TMTC2: variants seen among roughly 807,000 people sequenced by gnomAD.
TMTC2 encodes protein O-mannosyl-transferase TMTC2.
In TMTC2, 43 loss-of-function variants were observed where a neutral mutation model predicts 82.4. The ratio of observed to expected loss-of-function variants is 0.52; its 90% CI spans 0.41 to 0.67. The LOEUF (loss-of-function observed/expected upper bound fraction) is 0.67, where lower values mean the gene tolerates loss of function less well. TMTC2 is among the 30% of genes least tolerant of loss of function. The pLI is 0.00. For missense variants in TMTC2, 919 were observed against 1,012.4 expected, an observed-to-expected ratio of 0.91 and a Z score of 1.25; for synonymous variants, 408 against 381.9, an observed-to-expected ratio of 1.07 and a Z score of -0.80.
In TMTC2 at chr12:83,099,937, A is replaced by G. The variant is rs185667442; in HGVS notation, c.2332-32273A>G. ...AGTTGTATAATTTTTTTTTTTTGAG[A>G]TGGAGTCTCTCTCCGTCACCCAGGC... is the stretch of plus-strand genomic sequence containing the variant. On this transcript the variant is annotated intron_variant, in intron 11 of 11. Coordinates refer to ENST00000321196, the MANE Select transcript of TMTC2 (RefSeq NM_152588.3). Among the ~76,000 whole-genome samples the G allele has an allele frequency of 7.6e-3, 1,124 of 148,608 alleles. 9 individuals are homozygous for G. Among genetic ancestry groups the G allele is most frequent in the Non-Finnish European group, 0.012 (813 of 67,338 alleles).
chr12:82,718,962 T>TA (rs1222166422), intron 1 of TMTC2, among the ~76,000 whole-genome samples: 6 of 150,050 alleles, frequency 4.0e-5, no homozygotes, highest in African/African-American at 1.5e-4. Context: ...CTATTGATTA[T>TA]AAAAATGAAG....
intron 7 of TMTC2, among the ~76,000 whole-genome samples, chr12:82,970,569 A>G (rs951233883): frequency 4.0e-5 from 6 of 151,316 alleles, no homozygotes; most frequent in African/African-American, 1.2e-4. Flanking sequence ...TCCTGACCTC[A>G]TGATCCACCC....
intron 3 of TMTC2, among the ~76,000 whole-genome samples, chr12:82,928,668 T>C (rs2137239952): frequency 6.6e-6 from 1 of 152,356 alleles, no homozygotes; most frequent in East Asian, 1.9e-4. Context: ...GAGTTTTTGC[T>C]GTAACACTTC....
At chr12:83,056,386 C>A (rs1285313669) in intron 10 of TMTC2, among the ~76,000 whole-genome samples, 2 of 151,912 alleles carry the variant, frequency 1.3e-5, no homozygotes, top group Non-Finnish European at 2.9e-5. Context: ...GTTCTAATTT[C>A]TTCCCTAATT....
intron 4 of TMTC2, among the ~76,000 whole-genome samples, chr12:82,958,372 AAAAAAAAC>A (rs1565827911): frequency 0.34 from 3,166 of 9,366 alleles, 260 homozygotes; most frequent in African/African-American, 0.42. Flanking sequence ...AAAAAAAAAC[AAAAAAAAC>A]AAAAAAACTA....
rs145905636 is a variant in TMTC2 at position 83,077,771 on chromosome 12, C to T, written c.2331+15940C>T. On this transcript the variant is annotated intron_variant, in intron 11 of 11. Transcript: ENST00000321196. ...TGTATTTTTAGTAGAGACAGGGTTTCACCACATTGGCCAGGATGATCTTGA... is the reference window on the plus strand; with the variant it reads ...TGTATTTTTAGTAGAGACAGGGTTTTACCACATTGGCCAGGATGATCTTGA... Among the ~76,000 whole-genome samples, 1,339 of 151,820 alleles carry T rather than the reference C, an allele frequency of 8.8e-3. 22 individuals are homozygous for T. Among genetic ancestry groups the T allele is most frequent in the African/African-American group, 0.03 (1,258 of 41,376 alleles).
chr12:83,115,339 A>T (rs1592502634), intron 11 of TMTC2, among the ~76,000 whole-genome samples: 3 of 152,220 alleles, frequency 2.0e-5, no homozygotes, highest in South Asian at 4.1e-4. Context: ...AAGATACTGT[A>T]TGATTTTGTA....
intron 1 of TMTC2, among the ~76,000 whole-genome samples, chr12:82,844,006 G>A (rs552892227): frequency 3.2e-4 from 48 of 152,294 alleles, no homozygotes; most frequent in Middle Eastern, 6.8e-3. Flanking sequence ...GGAGTATTAG[G>A]TGAGCAGATA....
At chr12:82,780,808 G>GT (rs553423016) in intron 1 of TMTC2, among the ~76,000 whole-genome samples, 15,784 of 145,240 alleles carry the variant, frequency 0.11, 944 homozygotes, top group Middle Eastern at 0.19. Flanking sequence ...AAGAAGTTTT[G>GT]TTTTTTTTTT....
chr12:83,033,805 C>CGTGTGTGT (rs1555207118), intron 9 of TMTC2, among the ~76,000 whole-genome samples: 2 of 137,324 alleles, frequency 1.5e-5, no homozygotes, highest in Non-Finnish European at 3.1e-5. Context: ...TATATATACA[C>CGTGTGTGT]ATATATGTGT....
intron 2 of TMTC2, among the ~76,000 whole-genome samples, chr12:82,865,493 G>A (rs1871800708): frequency 6.6e-6 from 1 of 152,134 alleles, no homozygotes; most frequent in Non-Finnish European, 1.5e-5. Flanking sequence ...CAATACAGGA[G>A]CACCCAAATT....
intron 9 of TMTC2, among the ~76,000 whole-genome samples, chr12:83,040,322 G>A (rs1207823305): frequency 1.3e-5 from 2 of 152,166 alleles, no homozygotes; most frequent in African/African-American, 4.8e-5. Flanking sequence ...GAGCCAGATT[G>A]CTGATATTAT....
intron 11 of TMTC2, among the ~76,000 whole-genome samples, chr12:83,100,849 T>C (rs987444654): frequency 4.6e-5 from 7 of 152,202 alleles, no homozygotes; most frequent in African/African-American, 1.4e-4. Flanking sequence ...AACACTGAAA[T>C]AGCTATTACG....
rs914256463 is a variant in TMTC2 at position 82,932,017 on chromosome 12, C to T, written c.1598+1472C>T. On this transcript the variant is annotated intron_variant, in intron 4 of 11. Transcript: ENST00000321196. ...GATCCTAGGTAAAATAAGGTGCTTG[C>T]GGCTTGTGTTTAATGAATGCTGTGT... 5.3e-5 allele frequency among the ~76,000 whole-genome samples: 8 copies of T among 152,110 alleles called. No individual in the cohort carries two copies. The East Asian group carries it at 5.8e-4, about 11-fold the overall frequency.
rs1477691260 is a variant in TMTC2 at position 83,134,791 on chromosome 12, T to C, written c.*2402T>C. On this transcript the variant is annotated 3_prime_UTR_variant, in exon 12 of 12. Coordinates refer to ENST00000321196, the MANE Select transcript of TMTC2 (RefSeq NM_152588.3). ...ATAAATTATCAAGATTTGTAGGCTT[T>C]CCTTTTGTAGAAATAATTGTTTTAT... The C allele has an allele frequency of 1.3e-5, 2 of 152,238 alleles. No homozygotes were observed. The highest frequency in any genetic ancestry group is 4.8e-5 in the African/African-American group (2 of 41,458). The allele number at this position is 152,238 out of a possible 1,614,324, so 9.4% of individuals were successfully genotyped here. A position where few individuals can be genotyped will look rare whatever the true frequency, so the allele number is the denominator to read the frequency against.
rs375408443 is a variant in TMTC2 at position 82,752,102 on chromosome 12, TC to T, written c.83+64438del. Among the ~76,000 whole-genome samples the T allele has an allele frequency of 1.6e-3, 237 of 150,690 alleles. 1 individual carries two copies. Among genetic ancestry groups the T allele is most frequent in the African/African-American group, 5.6e-3 (229 of 41,198 alleles). On this transcript the variant is annotated intron_variant, in intron 1 of 11. Transcript: ENST00000321196. ...TTGTTAAATAGATACATTATCCCTC[TC>T]CCCCATAGACTGTCAACTATGTTTT...
intron 1 of TMTC2, chr12:82,690,365 G>T (rs1872524747): frequency 1.0e-6 from 1 of 985,438 alleles, no homozygotes; most frequent in Non-Finnish European, 1.2e-6. Flanking sequence ...AGTGAAGGGA[G>T]AAGCACTCAA....
At chr12:82,807,117 T>C (rs1034335818) in intron 1 of TMTC2, among the ~76,000 whole-genome samples, 5 of 152,158 alleles carry the variant, frequency 3.3e-5, no homozygotes, top group Non-Finnish European at 4.4e-5. Context: ...TTCGGAGATA[T>C]TAGTGTGCTG....
intron 2 of TMTC2, among the ~76,000 whole-genome samples, chr12:82,866,189 CA>C (rs369516024): frequency 8.2e-6 from 1 of 121,482 alleles, no homozygotes; most frequent in Non-Finnish European, 1.6e-5. Flanking sequence ...GATAGAGACA[CA>C]AAAAAAACCC....
Sources: gnomAD v4.1 joint callset for allele counts (sites outside exome capture counted in the v4.1 genomes callset) on GRCh38, gnomAD v4.1.1 for gene constraint, MANE v1.5 for transcripts, NCBI Gene and HGNC (gene_info 2026-07-23, HGNC 2026-07-21) for gene names.